FAM184B: variants seen among roughly 807,000 people sequenced by gnomAD.
FAM184B encodes the protein family with sequence similarity 184 member B, also known as protein FAM184B.
FAM184B carries 111 observed loss-of-function variants against 135.9 expected under a neutral mutation model. The ratio of observed to expected loss-of-function variants is 0.82; its 90% confidence interval spans 0.70 to 0.96. The LOEUF (loss-of-function observed/expected upper bound fraction) is 0.96, where lower values mean the gene tolerates loss of function less well. Among genes scored for constraint, FAM184B ranks in the 40% least tolerant of loss-of-function variants. FAM184B has a pLI of 0.00. For missense variants in FAM184B, 1,375 were observed against 1,323.9 expected, an observed-to-expected ratio of 1.04 and a Z score of -0.60; for synonymous variants, 552 against 524.8, an observed-to-expected ratio of 1.05 and a Z score of -0.71.
intron 1 of FAM184B, among the ~76,000 whole-genome samples, chr4:17,749,901 C>T (rs762790167): frequency 4.1e-4 from 57 of 139,232 alleles, no homozygotes; most frequent in Non-Finnish European, 8.3e-4. Context: ...TAGTATTTAC[C>T]GTTATAATGT....
At chr4:17,764,476 T>C (rs1718614574) in intron 1 of FAM184B, among the ~76,000 whole-genome samples, 1 of 152,226 alleles carries the variant, frequency 6.6e-6, no homozygotes, top group African/African-American at 2.4e-5. Context: ...GGCCTCAGTA[T>C]GCCTTATTGG....
chr4:17,742,631 A>G (rs1003038131), intron 1 of FAM184B, among the ~76,000 whole-genome samples: 1 of 152,154 alleles, frequency 6.6e-6, no homozygotes, highest in African/African-American at 2.4e-5. Context: ...CTGAGCCGCG[A>G]GCAGAGAAGC....
At chr4:17,755,063 G>A (rs1165298843) in intron 1 of FAM184B, among the ~76,000 whole-genome samples, 1 of 151,934 alleles carries the variant, frequency 6.6e-6, no homozygotes, top group East Asian at 1.9e-4. Flanking sequence ...GTCTTGCTGT[G>A]TTTCCCAGGC....
intron 6 of FAM184B, 76 bp from the exon 7 acceptor site, chr4:17,688,607 C>A: frequency 5.1e-6 from 5 of 981,502 alleles, no homozygotes; most frequent in Non-Finnish European, 7.2e-6. Context: ...ATCCGGGAAT[C>A]AATTCTCCTG....
In FAM184B at chr4:17,751,823, G is replaced by GCACACACACACACACACACACA. The variant is rs3222789; in HGVS notation, c.141+29314_141+29335dup. On this transcript the variant is annotated intron_variant, in intron 1 of 17. Transcript: ENST00000265018. ...GGCTGATTCTGGCCCTAAAAACAAG[G>GCACACACACACACACACACACA]CACACACACACACACACACACACAC... Among the ~76,000 whole-genome samples, 228 of 115,888 alleles carry GCACACACACACACACACACACA rather than the reference G, an allele frequency of 2.0e-3. 4 individuals are homozygous for GCACACACACACACACACACACA. The highest frequency in any genetic ancestry group is 4.8e-3 in the Middle Eastern group (1 of 210). The allele number at this position is 115,888 out of a possible 152,430, so 76.0% of individuals were successfully genotyped here. A position where few individuals can be genotyped will look rare whatever the true frequency, so the allele number is the denominator to read the frequency against.
Position 17,765,158 on chromosome 4 carries a change from T to C in FAM184B, c.141+16001A>G, listed in dbSNP as rs571077548. 4.6e-5 allele frequency among the ~76,000 whole-genome samples: 7 copies of C among 152,326 alleles called. No homozygotes were observed. In the South Asian group the frequency reaches 1.0e-3, roughly 23 times the overall value. The stretch of plus-strand genomic sequence containing the variant: ...GTATTTGGATGGTGGGAGGAGAAAG[T>C]GTAATAAATGGCTTTTAAAATGGCA... On this transcript the variant is annotated intron_variant, in intron 1 of 17. Transcript: ENST00000265018.
chr4:17,634,010 T>G (rs1304354116), intron 16 of FAM184B, 122 bp from the exon 17 acceptor site: 12 of 694,746 alleles, frequency 1.7e-5, no homozygotes, highest in Non-Finnish European at 2.6e-5. Context: ...ACAATTTCAT[T>G]TATACACTTA....
At chr4:17,692,965 G>T (rs1408534627) in intron 6 of FAM184B, among the ~76,000 whole-genome samples, 1 of 151,736 alleles carries the variant, frequency 6.6e-6, no homozygotes, top group East Asian at 1.9e-4. Context: ...GCCTAGAAAG[G>T]CAAAATTGCT....
intron 1 of FAM184B, among the ~76,000 whole-genome samples, chr4:17,758,055 T>C (rs1205729048): frequency 1.3e-5 from 2 of 152,182 alleles, no homozygotes; most frequent in Admixed American, 6.5e-5. Context: ...GCAAAACTAA[T>C]ACTATATTCT....
intron 12 of FAM184B, among the ~76,000 whole-genome samples, chr4:17,645,466 AG>A (rs1447021525): frequency 1.3e-5 from 2 of 152,240 alleles, no homozygotes; most frequent in Non-Finnish European, 2.9e-5. Context: ...GACAAAAACA[AG>A]AAATGGGGAA....
rs770048026 is a variant in FAM184B at position 17,707,695 on chromosome 4, G to A, written c.984C>T (p.Ala328=). ...AKKLGEKLAV[A]KDRMMLQECR... is the part of the protein sequence containing the mutation. Reference sequence around the variant, plus strand: ...ACTCCTGCAGCATCATTCTGTCTTTGGCAACAGCCAGCTTCTCCCCAAGTT... The same window carrying A: ...ACTCCTGCAGCATCATTCTGTCTTTAGCAACAGCCAGCTTCTCCCCAAGTT... The change falls in exon 3 of 18, where the codon GCC becomes GCT. Residue 328 remains alanine (A), a synonymous_variant. Coordinates refer to ENST00000265018, the MANE Select transcript of FAM184B (RefSeq NM_015688.2). 1.9e-5 allele frequency: 30 copies of A among 1,551,666 alleles called. No individual in the cohort carries two copies. The highest frequency in any genetic ancestry group is 8.7e-6 in the Non-Finnish European group (10 of 1,147,042).
intron 14 of FAM184B, among the ~76,000 whole-genome samples, 156 bp downstream of exon 14, chr4:17,639,094 A>G (rs1399297953): frequency 6.6e-6 from 1 of 152,172 alleles, no homozygotes; most frequent in African/African-American, 2.4e-5. Flanking sequence ...TCAGCCTCCC[A>G]AAGTGCTGGA....
At chr4:17,751,679 C>T (rs1718295703) in intron 1 of FAM184B, among the ~76,000 whole-genome samples, 1 of 151,962 alleles carries the variant, frequency 6.6e-6, no homozygotes, top group African/African-American at 2.4e-5. Flanking sequence ...TTTCAACATC[C>T]ACGTTTAAGC....
chr4:17,651,653 A>C (rs1715622156), intron 11 of FAM184B, among the ~76,000 whole-genome samples: 1 of 151,828 alleles, frequency 6.6e-6, no homozygotes, highest in East Asian at 1.9e-4. Context: ...CTTCTCATGC[A>C]TTTACTCAAG....
Position 17,713,954 on chromosome 4 carries a change from A to G in FAM184B, c.142-4310T>C, listed in dbSNP as rs377636736. On this transcript the variant is annotated intron_variant, in intron 1 of 17. Transcript: ENST00000265018. ...ACGAGAGGATTTGTCACCAGTTACT[A>G]TGGAAACACAGAGGAAGCGGTCTGG... 6.6e-5 allele frequency among the ~76,000 whole-genome samples: 10 copies of G among 152,308 alleles called. No individual in the cohort carries two copies. The East Asian group carries it at 9.7e-4, about 15-fold the overall frequency.
At chr4:17,669,933 T>C (rs1334897120) in intron 7 of FAM184B, among the ~76,000 whole-genome samples, 1 of 152,214 alleles carries the variant, frequency 6.6e-6, no homozygotes, top group Non-Finnish European at 1.5e-5. Flanking sequence ...CAAACATACA[T>C]GTTTTACTAC....
At chr4:17,677,852 C>T (rs750030735) in intron 7 of FAM184B, among the ~76,000 whole-genome samples, 6 of 152,082 alleles carry the variant, frequency 3.9e-5, no homozygotes, top group South Asian at 2.1e-4. Context: ...ACCAGGGATG[C>T]GGGGATGGTT....
intron 1 of FAM184B, among the ~76,000 whole-genome samples, chr4:17,720,739 A>T (rs559490817): frequency 2.7e-4 from 41 of 151,954 alleles, no homozygotes; most frequent in African/African-American, 9.9e-4. Context: ...TGCAAAAATT[A>T]GCTGGGTGTG....
chr4:17,656,640 G>A (rs1275991979), intron 10 of FAM184B, among the ~76,000 whole-genome samples: 1 of 152,146 alleles, frequency 6.6e-6, no homozygotes, highest in Non-Finnish European at 1.5e-5. Context: ...GGCCTCAAGT[G>A]GTCTGTTCAT....
Sources: gnomAD v4.1 joint callset for allele counts (sites outside exome capture counted in the v4.1 genomes callset) on GRCh38, gnomAD v4.1.1 for gene constraint, MANE v1.5 for transcripts, NCBI Gene and HGNC (gene_info 2026-07-23, HGNC 2026-07-21) for gene names.